ADAMTS6: variants seen among roughly 807,000 people sequenced by gnomAD.
ADAMTS6 encodes the protein ADAM metallopeptidase with thrombospondin type 1 motif 6, also known as A disintegrin and metalloproteinase with thrombospondin motifs 6.
In ADAMTS6, 23 loss-of-function variants were observed where a neutral mutation model predicts 144.3. That is an observed-to-expected ratio of 0.16 (90% CI 0.11 to 0.23). ADAMTS6 has a LOEUF of 0.23. ADAMTS6 is among the 10% of genes least tolerant of loss of function. The pLI, the probability that ADAMTS6 is intolerant of heterozygous loss-of-function variation, is 1.00. For synonymous variants in ADAMTS6, 444 were observed against 457.5 expected (o/e 0.97, Z 0.38); for missense variants, 999 against 1,379.6 (o/e 0.72, Z 4.37).
chr5:65,297,442 A>T (rs1742947284), intron 10 of ADAMTS6, among the ~76,000 whole-genome samples: 1 of 152,204 alleles, frequency 6.6e-6, no homozygotes, highest in Admixed American at 6.5e-5. Context: ...CTATACAGCT[A>T]CTAAGTAGAG....
intron 7 of ADAMTS6, among the ~76,000 whole-genome samples, chr5:65,422,148 G>A (rs1036155700): frequency 1.3e-5 from 2 of 152,068 alleles, no homozygotes; most frequent in Non-Finnish European, 2.9e-5. Context: ...CAAATGACAC[G>A]AATAGGTAGT....
intron 22 of ADAMTS6, among the ~76,000 whole-genome samples, chr5:65,184,918 C>G (rs1433290066): frequency 1.3e-5 from 2 of 152,028 alleles, no homozygotes; most frequent in African/African-American, 4.8e-5. Context: ...GGTCAAAGGG[C>G]AAATTCCTCT....
chr5:65,290,185 T>C (rs1742149805), intron 11 of ADAMTS6, among the ~76,000 whole-genome samples: 1 of 152,188 alleles, frequency 6.6e-6, no homozygotes, highest in Non-Finnish European at 1.5e-5. Context: ...AGTGCAATGA[T>C]ACAGTACAAT....
At chr5:65,455,855 CT>C (rs1473572864) in intron 4 of ADAMTS6, among the ~76,000 whole-genome samples, 1 of 151,756 alleles carries the variant, frequency 6.6e-6, no homozygotes, top group Non-Finnish European at 1.5e-5. Flanking sequence ...AAGGTAGTTG[CT>C]GTTATCATCA....
rs868253589 is a variant in ADAMTS6 at position 65,151,882 on chromosome 5, C to T, written c.3308G>A (p.Arg1103Gln). 1.2e-6 allele frequency: 2 copies of T among 1,613,764 alleles called. No individual in the cohort carries two copies. The highest frequency in any genetic ancestry group is 8.5e-7 in the Non-Finnish European group (1 of 1,179,742). The change falls in exon 25 of 25, where the codon CGA becomes CAA. Residue 1103 changes from arginine (R) to glutamine (Q), a missense_variant. Physicochemically the swap from Arg to Gln is conservative, Grantham distance 43. Transcript: ENST00000381055. ...PLVLKFKFCS[R>Q]AYFRQMCCKT... ...ACAACACATCTGTCTGAAGTATGCTCGACTGCAGAACTTGAACTTCAGCAC... is the reference window on the plus strand; with the variant it reads ...ACAACACATCTGTCTGAAGTATGCTTGACTGCAGAACTTGAACTTCAGCAC...
At chr5:65,296,030 T>C (rs1742804697) in intron 10 of ADAMTS6, among the ~76,000 whole-genome samples, 2 of 152,140 alleles carry the variant, frequency 1.3e-5, no homozygotes, top group African/African-American at 4.8e-5. Flanking sequence ...ATACTCTTAA[T>C]TGTGATTTTA....
chr5:65,419,632 A>G (rs1755847704), intron 7 of ADAMTS6, among the ~76,000 whole-genome samples: 2 of 152,244 alleles, frequency 1.3e-5, no homozygotes, highest in African/African-American at 4.8e-5. Context: ...TGGTATATCC[A>G]TACAATGGGA....
intron 21 of ADAMTS6, among the ~76,000 whole-genome samples, chr5:65,188,738 C>G (rs1953415227): frequency 6.6e-6 from 1 of 152,146 alleles, no homozygotes; most frequent in Non-Finnish European, 1.5e-5. Context: ...TAATAGGGTC[C>G]TATGAACCAA....
intron 12 of ADAMTS6, among the ~76,000 whole-genome samples, chr5:65,266,120 A>G (rs188024336): frequency 1.1e-3 from 162 of 152,096 alleles, no homozygotes; most frequent in Non-Finnish European, 1.8e-3. Flanking sequence ...GAGAGCTACA[A>G]GAATACTTAA....
intron 7 of ADAMTS6, among the ~76,000 whole-genome samples, chr5:65,354,497 A>G (rs2150094496): frequency 6.6e-6 from 1 of 151,968 alleles, no homozygotes; most frequent in East Asian, 1.9e-4. Flanking sequence ...TATTTTTGAC[A>G]TTTTAATTAT....
At chr5:65,404,328 A>T (rs1754227957) in intron 7 of ADAMTS6, among the ~76,000 whole-genome samples, 1 of 151,958 alleles carries the variant, frequency 6.6e-6, no homozygotes, top group African/African-American at 2.4e-5. Flanking sequence ...CTGGTGTGTT[A>T]TATTCCCCAT....
rs952498594 is a variant in ADAMTS6, at chr5:65,197,075, G to C, written c.2652C>G (p.Asp884Glu). The change falls in exon 21 of 25, where the codon GAC becomes GAG. Residue 884 changes from aspartate to glutamate, a missense_variant. By Grantham distance (45) the Asp-to-Glu change is conservative (BLOSUM62 2). Transcript: ENST00000381055. ...CTCTTTGATTTTCAGGTGGCTTACT[G>C]TCAGGATCACAGTAATTGTTCTGGA... is the stretch of plus-strand genomic sequence containing the variant. ...SIVQNNYCDP[D>E]SKPPENQRAC... The C allele has an allele frequency of 3.7e-6, 6 of 1,614,020 alleles. No homozygotes were observed. Among genetic ancestry groups the C allele is most frequent in the Non-Finnish European group, 4.2e-6 (5 of 1,179,936 alleles).
intron 7 of ADAMTS6, among the ~76,000 whole-genome samples, chr5:65,358,273 T>C (rs182823247): frequency 5.3e-5 from 8 of 152,064 alleles, no homozygotes; most frequent in African/African-American, 1.4e-4. Flanking sequence ...ACAATCTTTC[T>C]TGGTAAAACT....
intron 9 of ADAMTS6, among the ~76,000 whole-genome samples, chr5:65,328,569 C>T (rs746479517): frequency 2.0e-5 from 3 of 151,606 alleles, no homozygotes; most frequent in Non-Finnish European, 4.4e-5. Context: ...ATTGGAAGCT[C>T]GTTTGTTTAG....
intron 7 of ADAMTS6, among the ~76,000 whole-genome samples, chr5:65,357,367 C>T (rs892381352): frequency 1.3e-5 from 2 of 151,336 alleles, no homozygotes; most frequent in Non-Finnish European, 3.0e-5. Context: ...CACACTCTTA[C>T]ATTTGTAAGA....
At chr5:65,313,292 T>C (rs768660354) in intron 9 of ADAMTS6, among the ~76,000 whole-genome samples, 1 of 152,128 alleles carries the variant, frequency 6.6e-6, no homozygotes, top group Non-Finnish European at 1.5e-5. Context: ...AATAATTTAA[T>C]TGTTAGACTT....
intron 7 of ADAMTS6, among the ~76,000 whole-genome samples, chr5:65,425,582 C>T (rs1293014581): frequency 6.6e-6 from 1 of 152,164 alleles, no homozygotes. Context: ...GTAAATTTCC[C>T]ACTCTCAAAT....
chr5:65,329,983 G>A (rs1045402679), intron 8 of ADAMTS6, among the ~76,000 whole-genome samples: 15 of 151,998 alleles, frequency 9.9e-5, no homozygotes, highest in Non-Finnish European at 2.1e-4. Flanking sequence ...TGATTCAAAA[G>A]ATGGAAAGGA....
chr5:65,455,222 A>G (rs1759089622), intron 4 of ADAMTS6, among the ~76,000 whole-genome samples: 1 of 152,238 alleles, frequency 6.6e-6, no homozygotes, highest in Non-Finnish European at 1.5e-5. Flanking sequence ...TTGTGCAATA[A>G]ACACATAGCA....
Sources: gnomAD v4.1 joint callset for allele counts (sites outside exome capture counted in the v4.1 genomes callset) on GRCh38, gnomAD v4.1.1 for gene constraint, MANE v1.5 for transcripts, NCBI Gene and HGNC (gene_info 2026-07-23, HGNC 2026-07-21) for gene names.